The following ATXN10 variants were observed in gnomAD, a reference collection of about 807,000 sequenced individuals.
ATXN10 encodes ataxin-10.
A neutral mutation model predicts 52.9 loss-of-function variants in ATXN10; 28 were observed. That is an observed-to-expected ratio of 0.53 (90% CI 0.39 to 0.73). ATXN10 has a LOEUF of 0.73. Ranked by LOEUF, ATXN10 falls within the 30% of genes least tolerant of loss-of-function variation. The pLI is 0.00. For missense variants in ATXN10, 565 were observed against 577.0 expected (o/e 0.98, Z 0.21); for synonymous variants, 226 against 221.5 (o/e 1.02, Z -0.18).
intron 5 of ATXN10, chr22:45,704,173 G>A (rs1923949404): frequency 1.4e-5 from 2 of 146,580 alleles, no homozygotes; most frequent in African/African-American, 5.0e-5. Context: ...CAGTACTACA[G>A]TGTCTTGATT....
intron 5 of ATXN10, among the ~76,000 whole-genome samples, chr22:45,716,719 A>G (rs1330062867): frequency 6.6e-6 from 1 of 152,294 alleles, no homozygotes; most frequent in South Asian, 2.1e-4. Context: ...AGAAGAGCAT[A>G]GTAAGTCCTG....
rs1401641939 is a variant in ATXN10 at position 45,769,395 on chromosome 22, A to C, written c.1173+28857A>C. 6.6e-6 allele frequency among the ~76,000 whole-genome samples: 1 copy of C among 152,046 alleles called. No homozygotes were observed. The highest frequency in any genetic ancestry group is 1.5e-5 in the Non-Finnish European group (1 of 68,014). Reference sequence around the variant, plus strand: ...ACTGTGCTAGGTAGATGGGAGAATCAAGCATGAAATGGGTAGAATCCTGCC... The same window carrying C: ...ACTGTGCTAGGTAGATGGGAGAATCCAGCATGAAATGGGTAGAATCCTGCC... On this transcript the variant is annotated intron_variant, in intron 9 of 11. Transcript: ENST00000252934. The surrounding 1 kb of genome is among the most constrained non-coding windows in gnomAD (Gnocchi z 4.2).
chr22:45,799,261 A>T (rs1927854176), intron 9 of ATXN10, among the ~76,000 whole-genome samples: 1 of 152,166 alleles, frequency 6.6e-6, no homozygotes, highest in Non-Finnish European at 1.5e-5. Context: ...ATAAAAATTG[A>T]TGAGCTGGTT....
chr22:45,697,731 C>T (rs1392797260), intron 3 of ATXN10, among the ~76,000 whole-genome samples: 2 of 152,010 alleles, frequency 1.3e-5, no homozygotes, highest in Admixed American at 1.3e-4. Context: ...CTGGGGTTCA[C>T]GCCATTCTCC....
At chr22:45,753,038 A>G (rs181891281) in intron 9 of ATXN10, among the ~76,000 whole-genome samples, 6 of 152,124 alleles carry the variant, frequency 3.9e-5, no homozygotes, top group Middle Eastern at 3.4e-3. Context: ...CCGGCTGATC[A>G]ACTTATTTTT....
rs144233741 is a variant in ATXN10 at position 45,766,596 on chromosome 22, A to G, written c.1173+26058A>G. Among the ~76,000 whole-genome samples the G allele has an allele frequency of 6.4e-3, 971 of 152,350 alleles. 7 individuals are homozygous for G. Among genetic ancestry groups the G allele is most frequent in the South Asian group, 0.015 (71 of 4,824 alleles). ...ATGTAACAGCACCTGAACCCATGCA[A>G]GTATTAGGAGAAAACATGAATGAGT... On this transcript the variant is annotated intron_variant, in intron 9 of 11. Coordinates refer to ENST00000252934, the MANE Select transcript of ATXN10 (RefSeq NM_013236.4). The surrounding 1 kb of genome is among the most constrained non-coding windows in gnomAD (Gnocchi z 4.6).
intron 9 of ATXN10, among the ~76,000 whole-genome samples, chr22:45,758,288 C>T (rs1446089754): frequency 6.6e-6 from 1 of 152,232 alleles, no homozygotes; most frequent in Admixed American, 6.5e-5. Flanking sequence ...ACTTGACAGA[C>T]CACCAGTGCC....
chr22:45,711,195 C>G (rs984425081), intron 5 of ATXN10, among the ~76,000 whole-genome samples: 1 of 151,296 alleles, frequency 6.6e-6, no homozygotes, highest in African/African-American at 2.4e-5. Context: ...TAAAAAGGAA[C>G]AAGTGTTGGT....
chr22:45,725,401 A>ATTTTTTTTTTTTTTTTTTTTTTTTTTT (rs60263048), intron 6 of ATXN10, among the ~76,000 whole-genome samples: 1 of 116,222 alleles, frequency 8.6e-6, no homozygotes, highest in Non-Finnish European at 1.9e-5. Flanking sequence ...CAGGCATTTG[A>ATTTTTTTTTTTTTTTTTTTTTTTTTTT]TTTTTTTTTT....
At position 45,690,079 on chromosome 22, in the gene ATXN10, C is replaced by A. The variant is rs141892460; in HGVS notation, c.308+176C>A. On this transcript the variant is annotated intron_variant, in intron 2 of 11. Transcript: ENST00000252934. The surrounding 1 kb of genome is among the most constrained non-coding windows in gnomAD (Gnocchi z 4.5). Reference sequence around the variant, plus strand: ...CTTGAGTCCAGGAGTTCAAGACCGGCCTGGGCAACATGGTGAGACCCTGTC... The same window carrying A: ...CTTGAGTCCAGGAGTTCAAGACCGGACTGGGCAACATGGTGAGACCCTGTC... Among the ~76,000 whole-genome samples, 1 of 152,106 alleles carries A rather than the reference C, an allele frequency of 6.6e-6. No homozygotes were observed. Among genetic ancestry groups the A allele is most frequent in the Non-Finnish European group, 1.5e-5 (1 of 68,000 alleles).
At chr22:45,693,882 G>C (rs1923481531) in intron 3 of ATXN10, among the ~76,000 whole-genome samples, 1 of 152,152 alleles carries the variant, frequency 6.6e-6, no homozygotes, top group Non-Finnish European at 1.5e-5. Context: ...TCGACACCTT[G>C]ATCTTGGACC....
intron 10 of ATXN10, among the ~76,000 whole-genome samples, chr22:45,838,589 CTT>C (rs1804796010): frequency 1.3e-5 from 2 of 152,196 alleles, no homozygotes; most frequent in Admixed American, 1.3e-4. Context: ...CTCCCCTACT[CTT>C]TCTTTCTCTC....
In ATXN10 at chr22:45,789,840, G is replaced by T. The variant is rs770997320; in HGVS notation, c.1174-17119G>T. 6.6e-6 allele frequency among the ~76,000 whole-genome samples: 1 copy of T among 152,158 alleles called. No individual in the cohort carries two copies. The highest frequency in any genetic ancestry group is 1.5e-5 in the Non-Finnish European group (1 of 68,038). On this transcript the variant is annotated intron_variant, in intron 9 of 11. Coordinates refer to ENST00000252934, the MANE Select transcript of ATXN10 (RefSeq NM_013236.4). This position sits in a 1 kb window ranked among gnomAD's most constrained non-coding sequence, Gnocchi z 4.0. ...TCCTTTTTTTCCTCTTGGACCGCTG[G>T]TGAGGAGTGGATATTTTACCCCCAG...
intron 9 of ATXN10, among the ~76,000 whole-genome samples, chr22:45,782,083 C>G (rs1446465170): frequency 6.6e-6 from 1 of 152,160 alleles, no homozygotes; most frequent in Non-Finnish European, 1.5e-5. Flanking sequence ...GATCGAGTTT[C>G]CTTGGTATAG....
chr22:45,686,415 G>A (rs573680330), intron 1 of ATXN10, among the ~76,000 whole-genome samples: 1 of 152,342 alleles, frequency 6.6e-6, no homozygotes, highest in Admixed American at 6.5e-5. Flanking sequence ...CTTATCTGAT[G>A]TGGACAAGTT....
rs577137757 is a variant in ATXN10, at chr22:45,769,450, A to G, written c.1173+28912A>G. ...GAGGGCACAGAAGGCCCCCAATGCC[A>G]CAGTATAGGGGGAATGGAGATGGCT... is the stretch of plus-strand genomic sequence containing the variant. On this transcript the variant is annotated intron_variant, in intron 9 of 11. Coordinates refer to ENST00000252934, the MANE Select transcript of ATXN10 (RefSeq NM_013236.4). This position sits in a 1 kb window ranked among gnomAD's most constrained non-coding sequence, Gnocchi z 4.2. 1.9e-3 allele frequency among the ~76,000 whole-genome samples: 296 copies of G among 152,264 alleles called. 4 individuals are homozygous for G. Among genetic ancestry groups the G allele is most frequent in the African/African-American group, 6.6e-3 (275 of 41,548 alleles).
chr22:45,680,719 C>T (rs991301754), intron 1 of ATXN10, among the ~76,000 whole-genome samples: 2 of 151,944 alleles, frequency 1.3e-5, no homozygotes, highest in Non-Finnish European at 1.5e-5. Flanking sequence ...CTGCCTCAGC[C>T]TCCCATAGTA....
intron 9 of ATXN10, among the ~76,000 whole-genome samples, chr22:45,756,398 C>A (rs533461828): frequency 4.4e-4 from 67 of 152,168 alleles, no homozygotes; most frequent in African/African-American, 1.6e-3. Context: ...TCCTGCCTTG[C>A]CTCCCAAAGC....
rs915845487 is a variant in ATXN10 at position 45,844,082 on chromosome 22, G to A, written c.*411G>A. ...CTTCTCATTGGGTTTTCTGAACTCT[G>A]GCAGGCGGTTGAAGTAGTTTCTCAC... On this transcript the variant is annotated 3_prime_UTR_variant, in exon 12 of 12. Coordinates refer to ENST00000252934, the MANE Select transcript of ATXN10 (RefSeq NM_013236.4). 2.1e-5 allele frequency: 4 copies of A among 188,034 alleles called. No homozygotes were observed. The highest frequency in any genetic ancestry group is 1.1e-4 in the Admixed American group (2 of 17,980). 11.6% of individuals were successfully genotyped at this position (188,034 alleles called of 1,614,324 possible). A position where few individuals can be genotyped will look rare whatever the true frequency, so the allele number is the denominator to read the frequency against.
Sources: allele counts gnomAD v4.1 joint callset (sites outside exome capture counted in the v4.1 genomes callset), GRCh38; gene constraint gnomAD v4.1.1; non-coding constraint Gnocchi (gnomAD v3.1); transcripts MANE v1.5; gene names NCBI Gene and HGNC (gene_info 2026-07-23, HGNC 2026-07-21).